TMEM200A: variants seen among roughly 807,000 people sequenced by gnomAD.
TMEM200A encodes the protein transmembrane protein 200A.
TMEM200A carries 12 observed loss-of-function variants against 24.3 expected under a neutral mutation model. The ratio of observed to expected loss-of-function variants is 0.49; its 90% CI spans 0.32 to 0.80. The LOEUF (loss-of-function observed/expected upper bound fraction) is 0.80, where lower values mean the gene tolerates loss of function less well. Ranked by LOEUF, TMEM200A falls within the 30% of genes least tolerant of loss-of-function variation. The pLI is 0.04. For missense variants in TMEM200A, 545 were observed against 614.4 expected (o/e 0.89, Z 1.19); for synonymous variants, 224 against 224.4 (o/e 1.00, Z 0.02).
chr6:130,427,622 A>T (rs932416070), intron 2 of TMEM200A, among the ~76,000 whole-genome samples: 1 of 152,078 alleles, frequency 6.6e-6, no homozygotes, highest in Admixed American at 6.5e-5. Flanking sequence ...AGTCTTTCTC[A>T]TGTTACCCTC....
At chr6:130,408,604 G>A (rs780974623) in intron 2 of TMEM200A, among the ~76,000 whole-genome samples, 4 of 152,144 alleles carry the variant, frequency 2.6e-5, no homozygotes, top group Non-Finnish European at 5.9e-5. Flanking sequence ...TGGCTTGAGT[G>A]TGGGTAGTAG....
intron 2 of TMEM200A, among the ~76,000 whole-genome samples, chr6:130,395,924 C>T (rs1159249912): frequency 1.3e-5 from 2 of 152,166 alleles, no homozygotes; most frequent in African/African-American, 4.8e-5. Context: ...GTCATAGTGC[C>T]TTTAGTGGCT....
chr6:130,393,241 T>A (rs1265293452), intron 2 of TMEM200A, among the ~76,000 whole-genome samples: 1 of 152,202 alleles, frequency 6.6e-6, no homozygotes, highest in Non-Finnish European at 1.5e-5. Flanking sequence ...GACCAAGGGA[T>A]CTGGGTATTA....
intron 2 of TMEM200A, among the ~76,000 whole-genome samples, chr6:130,434,138 A>G (rs973986830): frequency 2.6e-5 from 4 of 152,202 alleles, no homozygotes; most frequent in Admixed American, 1.3e-4. Context: ...GAACATTTCA[A>G]CCATACTCAA....
At chr6:130,428,686 G>T (rs1198838178) in intron 2 of TMEM200A, among the ~76,000 whole-genome samples, 2 of 152,118 alleles carry the variant, frequency 1.3e-5, no homozygotes, top group African/African-American at 4.8e-5. Flanking sequence ...CCTTTGCTCT[G>T]GAGGCACTAA....
At chr6:130,399,124 A>G (rs952551399) in intron 2 of TMEM200A, among the ~76,000 whole-genome samples, 2 of 151,836 alleles carry the variant, frequency 1.3e-5, no homozygotes, top group African/African-American at 2.4e-5. Context: ...TTAACTTCTG[A>G]CTCTACAATT....
At position 130,440,395 on chromosome 6, in the gene TMEM200A, TTTC is replaced by T; in HGVS notation, c.-16-5_-16-3del. ...TTTACATCATCTTTTTCCTTTTTTTTTTCTTCTTCAGAGTAAAAGGCCAAGCTA... is the reference window on the plus strand; with the variant it reads ...TTTACATCATCTTTTTCCTTTTTTTTTTCTTCAGAGTAAAAGGCCAAGCTA... On this transcript the variant is annotated splice_polypyrimidine_tract_variant and intron_variant, in intron 2 of 2. Coordinates refer to ENST00000296978, the MANE Select transcript of TMEM200A (RefSeq NM_001258277.2). 1 of 1,509,016 alleles carries T rather than the reference TTTC, an allele frequency of 6.6e-7. No individual in the cohort carries two copies. The highest frequency in any genetic ancestry group is 8.8e-7 in the Non-Finnish European group (1 of 1,131,802). 93.5% of individuals were successfully genotyped at this position (1,509,016 alleles called of 1,614,324 possible). A position where few individuals can be genotyped will look rare whatever the true frequency, so the allele number is the denominator to read the frequency against.
chr6:130,383,675 A>T (rs1407562010), intron 1 of TMEM200A, among the ~76,000 whole-genome samples: 3 of 152,214 alleles, frequency 2.0e-5, no homozygotes, highest in African/African-American at 7.2e-5. Flanking sequence ...AAAAATGAAT[A>T]TGAAGACATG....
At chr6:130,367,315 G>A (rs1320529556) in intron 1 of TMEM200A, among the ~76,000 whole-genome samples, 2 of 152,134 alleles carry the variant, frequency 1.3e-5, no homozygotes, top group East Asian at 3.8e-4. Context: ...CTCTTGCCTT[G>A]TCTCTTCTGA....
At chr6:130,392,602 C>A (rs546608377) in intron 2 of TMEM200A, among the ~76,000 whole-genome samples, 1 of 152,276 alleles carries the variant, frequency 6.6e-6, no homozygotes, top group East Asian at 1.9e-4. Context: ...TGTCTCCCAT[C>A]GCCTAGTAAC....
At chr6:130,405,220 G>A (rs1454193473) in intron 2 of TMEM200A, among the ~76,000 whole-genome samples, 2 of 152,084 alleles carry the variant, frequency 1.3e-5, no homozygotes, top group African/African-American at 2.4e-5. Flanking sequence ...CATAGGAATA[G>A]CATTGAATCT....
intron 2 of TMEM200A, among the ~76,000 whole-genome samples, chr6:130,429,377 C>A (rs972952575): frequency 5.3e-5 from 8 of 152,100 alleles, no homozygotes; most frequent in Non-Finnish European, 1.2e-4. Flanking sequence ...CAAAAATTAG[C>A]CAGGCATGGT....
intron 2 of TMEM200A, among the ~76,000 whole-genome samples, chr6:130,412,263 T>TATC (rs1779349820): frequency 6.6e-6 from 1 of 151,904 alleles, no homozygotes; most frequent in African/African-American, 2.4e-5. Context: ...TGCTTATTGC[T>TATC]ATCTGGGTAT....
chr6:130,431,403 C>A (rs559974821), intron 2 of TMEM200A, among the ~76,000 whole-genome samples: 1 of 152,084 alleles, frequency 6.6e-6, no homozygotes, highest in Admixed American at 6.6e-5. Context: ...GGCTAATTTC[C>A]CGTGTCTTAG....
At chr6:130,395,986 A>G (rs1291691321) in intron 2 of TMEM200A, among the ~76,000 whole-genome samples, 2 of 152,222 alleles carry the variant, frequency 1.3e-5, no homozygotes, top group Non-Finnish European at 2.9e-5. Flanking sequence ...AAATATGAAA[A>G]TAGTGAAAAG....
chr6:130,395,764 A>G (rs1326277999), intron 2 of TMEM200A, among the ~76,000 whole-genome samples: 3 of 152,248 alleles, frequency 2.0e-5, no homozygotes, highest in Non-Finnish European at 4.4e-5. Flanking sequence ...TATGTATCCA[A>G]GAAGATAATT....
At chr6:130,436,675 T>G in intron 2 of TMEM200A, among the ~76,000 whole-genome samples, 2 of 132,024 alleles carry the variant, frequency 1.5e-5, no homozygotes, top group African/African-American at 2.8e-5. Context: ...GAGAGACAGG[T>G]TCTTGCTCTA....
chr6:130,404,790 T>A (rs1280857993), intron 2 of TMEM200A, among the ~76,000 whole-genome samples: 1 of 152,126 alleles, frequency 6.6e-6, no homozygotes, highest in Non-Finnish European at 1.5e-5. Flanking sequence ...TTTTTATAGT[T>A]TTGGGTTTTA....
At chr6:130,393,530 T>G (rs1778884271) in intron 2 of TMEM200A, among the ~76,000 whole-genome samples, 1 of 152,212 alleles carries the variant, frequency 6.6e-6, no homozygotes, top group Non-Finnish European at 1.5e-5. Context: ...CGGCTTCACA[T>G]GCGAGCCTGA....
Sources: allele counts gnomAD v4.1 joint callset (sites outside exome capture counted in the v4.1 genomes callset), GRCh38; gene constraint gnomAD v4.1.1; transcripts MANE v1.5; gene names NCBI Gene and HGNC (gene_info 2026-07-23, HGNC 2026-07-21).